Variants in TF observed in about 807,000 individuals in gnomAD.
TF encodes transferrin.
Under a neutral mutation model 82.4 loss-of-function variants are expected in TF, and 55 were observed. The ratio of observed to expected loss-of-function variants is 0.67; its 90% CI spans 0.54 to 0.84. The LOEUF (loss-of-function observed/expected upper bound fraction) is 0.84, where lower values mean the gene tolerates loss of function less well. TF is among the 40% of genes least tolerant of loss of function. TF has a pLI of 0.00. For missense variants in TF, 737 were observed against 868.4 expected (o/e 0.85, Z 1.90); for synonymous variants, 332 against 332.6 (o/e 1.00, Z 0.02).
In TF at chr3:133,766,441, A is replaced by AAT. The variant is rs751421472; in HGVS notation, c.1486+11_1486+12dup. 1 of 1,613,924 alleles carries AAT rather than the reference A, an allele frequency of 6.2e-7. No individual in the cohort carries two copies. Among genetic ancestry groups the AAT allele is most frequent in the Non-Finnish European group, 8.5e-7 (1 of 1,179,978 alleles). On this transcript the variant is annotated intron_variant, in intron 12 of 16. Coordinates refer to ENST00000402696, the MANE Select transcript of TF (RefSeq NM_001063.4). ...TCAACCACTGCAGATTTGGTGAGTG[A>AAT]ATATTGGGAAGGAGGGCTGGTGAGG...
Position 133,789,597 on chromosome 3 carries a change from T to C in TF, c.*10977T>C, listed in dbSNP as rs1297508482. ...ATGTCTAGATGTGTTTATTTGCACA[T>C]TTGTTATATGTTGTGTTTTGGCATA... On this transcript the variant is annotated 3_prime_UTR_variant, in exon 17 of 17. Transcript: ENST00000402696. 6.6e-6 allele frequency: 1 copy of C among 152,262 alleles called. No individual in the cohort carries two copies. Among genetic ancestry groups the C allele is most frequent in the African/African-American group, 2.4e-5 (1 of 41,456 alleles). The allele number at this position is 152,262 out of a possible 1,614,324, so 9.4% of individuals were successfully genotyped here.
At position 133,791,826 on chromosome 3, in the gene TF, G is replaced by A. The variant is rs1165990483; in HGVS notation, c.*13206G>A. ...AATGAGTCCTTTATCTTCTGTCTGTGTATTTATATGTGTTGTGTGTGTACT... is the reference window on the plus strand; with the variant it reads ...AATGAGTCCTTTATCTTCTGTCTGTATATTTATATGTGTTGTGTGTGTACT... On this transcript the variant is annotated 3_prime_UTR_variant, in exon 17 of 17. Coordinates refer to ENST00000402696, the MANE Select transcript of TF (RefSeq NM_001063.4). 3 of 152,122 alleles carry A rather than the reference G, an allele frequency of 2.0e-5. No homozygotes were observed. The highest frequency in any genetic ancestry group is 2.9e-5 in the Non-Finnish European group (2 of 68,012). The allele number at this position is 152,122 out of a possible 1,614,324, so 9.4% of individuals were successfully genotyped here.
At position 133,757,955 on chromosome 3, in the gene TF, C is replaced by G. The variant is rs1012273642; in HGVS notation, c.1048+9C>G. On this transcript the variant is annotated intron_variant, in intron 8 of 16. Coordinates refer to ENST00000402696, the MANE Select transcript of TF (RefSeq NM_001063.4). ...TCTACGGGAAGGCACATGTGAGTAC[C>G]TGGGAAGAACCAGGTGACCACAAGC... 1.2e-6 allele frequency: 2 copies of G among 1,613,762 alleles called. No individual in the cohort carries two copies. The highest frequency in any genetic ancestry group is 1.7e-6 in the Non-Finnish European group (2 of 1,179,936).
the TF span, chr3:133,701,018 A>T: frequency 2.0e-5 from 3 of 152,576 alleles, no homozygotes; most frequent in Admixed American, 6.5e-5. Flanking sequence ...TACCTGGGAT[A>T]TGAGTATTTT....
chr3:133,770,678 C>A, intron 14 of TF, 106 bp downstream of exon 14: 1 of 1,142,206 alleles, frequency 8.8e-7, no homozygotes, highest in Non-Finnish European at 1.3e-6. Flanking sequence ...CACTGTCAGA[C>A]TTCAAAGCTC....
At position 133,795,722 on chromosome 3, in the gene TF, C is replaced by G. The variant is rs371138522; in HGVS notation, c.*17102C>G. On this transcript the variant is annotated 3_prime_UTR_variant, in exon 17 of 17. Coordinates refer to ENST00000402696, the MANE Select transcript of TF (RefSeq NM_001063.4). ...TCCCGAGTAGCTGGGACTACAGGCA[C>G]CTGCCACCACGCCCGGCTAATTTTT... 1 of 152,000 alleles carries G rather than the reference C, an allele frequency of 6.6e-6. No homozygotes were observed. Among genetic ancestry groups the G allele is most frequent in the Non-Finnish European group, 1.5e-5 (1 of 68,116 alleles). 9.4% of individuals were successfully genotyped at this position (152,000 alleles called of 1,614,324 possible).
At chr3:133,694,422 A>G in the TF span, 1 of 152,826 alleles carries the variant, frequency 6.5e-6, no homozygotes, top group African/African-American at 2.4e-5. Context: ...AAAGGCACAG[A>G]GAGCGAACAG....
At chr3:133,715,745 A>G in the TF span, among the ~76,000 whole-genome samples, 8 of 152,138 alleles carry the variant, frequency 5.3e-5, no homozygotes, top group Non-Finnish European at 1.0e-4. Context: ...TTGTTTTTCA[A>G]TGATCTACAG....
At chr3:133,669,674 AC>A in the TF span, among the ~76,000 whole-genome samples, 1 of 151,936 alleles carries the variant, frequency 6.6e-6, no homozygotes, top group Non-Finnish European at 1.5e-5. Context: ...AAATGGCAGA[AC>A]CTCTCTCAGC....
chr3:133,696,421 A>C, the TF span, among the ~76,000 whole-genome samples: 1 of 152,160 alleles, frequency 6.6e-6, no homozygotes, highest in African/African-American at 2.4e-5. Flanking sequence ...GTTTGGTACT[A>C]TCCGTGATTT....
chr3:133,725,088 G>A, the TF span, among the ~76,000 whole-genome samples: 77 of 152,318 alleles, frequency 5.1e-4, no homozygotes, highest in Non-Finnish European at 9.3e-4. Context: ...ATCAGGTAGC[G>A]TGATGCCTCC....
At chr3:133,700,125 T>C in the TF span, 6 of 152,992 alleles carry the variant, frequency 3.9e-5, no homozygotes, top group African/African-American at 1.5e-4. Flanking sequence ...GACTACCTCA[T>C]GGACATGGAT....
chr3:133,775,210 T>C, intron 14 of TF: 1 of 600,504 alleles, frequency 1.7e-6, no homozygotes, highest in Middle Eastern at 4.5e-4. Flanking sequence ...GTAGGGAAGG[T>C]TGGAAGGGGA....
At chr3:133,676,757 C>A in the TF span, among the ~76,000 whole-genome samples, 212 of 152,356 alleles carry the variant, frequency 1.4e-3, 1 homozygote, top group Non-Finnish European at 2.5e-3. Context: ...CCGCTGGGAT[C>A]GTTCCTAAAT....
the TF span, among the ~76,000 whole-genome samples, chr3:133,703,336 C>G: frequency 1.3e-5 from 2 of 152,060 alleles, no homozygotes; most frequent in East Asian, 3.9e-4. Context: ...ATGTAAATAG[C>G]ATAGTATTGA....
At position 133,757,855 on chromosome 3, in the gene TF, C is replaced by T. The variant is rs565363550; in HGVS notation, c.957C>T (p.His319=). ...GKDLLFKDSA[H]GFLKVPPRMD... is the part of the protein sequence containing the mutation. ...ACCTGCTGTTTAAGGACTCTGCCCA[C>T]GGGTTTTTAAAAGTCCCCCCCAGGA... Residue 319 remains histidine, a synonymous_variant, in exon 8 of 17, where the codon CAC becomes CAT. Coordinates refer to ENST00000402696, the MANE Select transcript of TF (RefSeq NM_001063.4). The T allele has an allele frequency of 6.1e-5, 98 of 1,614,174 alleles. No individual in the cohort carries two copies. Among genetic ancestry groups the T allele is most frequent in the East Asian group, 3.8e-4 (17 of 44,888 alleles).
the TF span, among the ~76,000 whole-genome samples, chr3:133,702,723 GA>G: frequency 6.6e-6 from 1 of 151,876 alleles, no homozygotes; most frequent in Admixed American, 6.6e-5. Context: ...TTGTGATTAG[GA>G]AAAAATAAAC....
At chr3:133,682,899 T>A in the TF span, among the ~76,000 whole-genome samples, 1 of 152,074 alleles carries the variant, frequency 6.6e-6, no homozygotes, top group African/African-American at 2.4e-5. Flanking sequence ...CCAAGACACA[T>A]AATTGTCAGA....
chr3:133,689,910 G>T, the TF span, among the ~76,000 whole-genome samples: 1 of 151,768 alleles, frequency 6.6e-6, no homozygotes, highest in East Asian at 1.9e-4. Context: ...ATATTTATGG[G>T]GTAAATGTAG....
Sources: gnomAD v4.1 joint callset for allele counts (sites outside exome capture counted in the v4.1 genomes callset) on GRCh38, gnomAD v4.1.1 for gene constraint, MANE v1.5 for transcripts, NCBI Gene and HGNC (gene_info 2026-07-23, HGNC 2026-07-21) for gene names.